The following ARHGAP31 variants were observed in gnomAD, a reference collection of about 807,000 sequenced individuals.
The protein encoded by ARHGAP31 is Rho GTPase activating protein 31.
In ARHGAP31, 34 loss-of-function variants were observed where a neutral mutation model predicts 113.9. That is an observed-to-expected ratio of 0.30 (90% CI 0.23 to 0.40). ARHGAP31 has a LOEUF of 0.40. Ranked by LOEUF, ARHGAP31 falls within the 10% of genes least tolerant of loss-of-function variation. ARHGAP31 has a pLI of 1.00. For synonymous variants in ARHGAP31, 650 were observed against 684.8 expected, an observed-to-expected ratio of 0.95 and a Z score of 0.79; for missense variants, 1,548 against 1,767.1, an observed-to-expected ratio of 0.88 and a Z score of 2.22.
At chr3:119,361,054 T>C (rs2080202185) in intron 1 of ARHGAP31, among the ~76,000 whole-genome samples, 1 of 152,174 alleles carries the variant, frequency 6.6e-6, no homozygotes, top group Non-Finnish European at 1.5e-5. Flanking sequence ...TTCTACCCTG[T>C]CCAGAATCCT....
At position 119,336,327 on chromosome 3, in the gene ARHGAP31, C is replaced by A. The variant is rs1267286994; in HGVS notation, c.101-28989C>A. On this transcript the variant is annotated intron_variant, in intron 1 of 11. Coordinates refer to ENST00000264245, the MANE Select transcript of ARHGAP31 (RefSeq NM_020754.4). Reference sequence around the variant, plus strand: ...AAATTCTTAAAATTTCTTGTAAGTCCCAAATTAGACTTTTCTCTACATATA... The same window carrying A: ...AAATTCTTAAAATTTCTTGTAAGTCACAAATTAGACTTTTCTCTACATATA... 3.9e-5 allele frequency among the ~76,000 whole-genome samples: 6 copies of A among 152,116 alleles called. No homozygotes were observed. In the South Asian group the frequency reaches 1.3e-3, roughly 32 times the overall value.
At chr3:119,385,742 CT>C (rs1453139532) in intron 6 of ARHGAP31, among the ~76,000 whole-genome samples, 1 of 152,222 alleles carries the variant, frequency 6.6e-6, no homozygotes, top group Non-Finnish European at 1.5e-5. Flanking sequence ...ACCAGAATAG[CT>C]TAGTAACTTC....
intron 6 of ARHGAP31, among the ~76,000 whole-genome samples, chr3:119,383,742 G>T (rs1237498210): frequency 6.6e-6 from 1 of 152,124 alleles, no homozygotes; most frequent in Admixed American, 6.6e-5. Flanking sequence ...TTTGTTCTGC[G>T]CTATGCCAGG....
At position 119,417,233 on chromosome 3, in the gene ARHGAP31, G is replaced by A. The variant is rs1055237492; in HGVS notation, c.*969G>A. ...AAATTTAATGTGTTTAAATTGGTGG[G>A]GCACCAGCAGAAAATATTCTAGCTC... On this transcript the variant is annotated 3_prime_UTR_variant, in exon 12 of 12. Transcript: ENST00000264245. 2 of 84,560 alleles carry A rather than the reference G, an allele frequency of 2.4e-5. No individual in the cohort carries two copies. The highest frequency in any genetic ancestry group is 1.0e-4 in the African/African-American group (2 of 19,852). 5.2% of individuals were successfully genotyped at this position (84,560 alleles called of 1,614,324 possible). A position where few individuals can be genotyped will look rare whatever the true frequency, so the allele number is the denominator to read the frequency against.
chr3:119,336,689 A>G (rs1298932646), intron 1 of ARHGAP31, among the ~76,000 whole-genome samples: 1 of 151,686 alleles, frequency 6.6e-6, no homozygotes, highest in Non-Finnish European at 1.5e-5. Context: ...ACCTATTTAA[A>G]GTATACAAGT....
In ARHGAP31 at chr3:119,303,796, T is replaced by G. The variant is rs558916128; in HGVS notation, c.100+8792T>G. On this transcript the variant is annotated intron_variant, in intron 1 of 11. Transcript: ENST00000264245. ...GCTCTTTTCATGTTTTTTGTTGTTG[T>G]TGTTGTTGTTGTTGTTGAGATGGGG... 9.5e-5 allele frequency among the ~76,000 whole-genome samples: 14 copies of G among 147,508 alleles called. No homozygotes were observed. The East Asian group carries it at 2.9e-3, about 31-fold the overall frequency.
intron 1 of ARHGAP31, among the ~76,000 whole-genome samples, chr3:119,343,433 C>T (rs2080027376): frequency 2.0e-5 from 3 of 152,176 alleles, no homozygotes; most frequent in Admixed American, 6.5e-5. Flanking sequence ...ACATGCTTAG[C>T]CCAGTGCCTG....
rs182983680 is a variant in ARHGAP31 at position 119,402,989 on chromosome 3, G to A, written c.1645+592G>A. On this transcript the variant is annotated intron_variant, in intron 10 of 11. Coordinates refer to ENST00000264245, the MANE Select transcript of ARHGAP31 (RefSeq NM_020754.4). ...CTGCCTGAGTCCCATGCCCAGCCTT[G>A]GACCAATCACTGTTTCCAGCTAATT... Among the ~76,000 whole-genome samples the A allele has an allele frequency of 1.1e-3, 168 of 152,272 alleles. 1 individual carries two copies. Among genetic ancestry groups the A allele is most frequent in the Non-Finnish European group, 1.9e-3 (126 of 68,024 alleles).
rs975627277 is a variant in ARHGAP31 at position 119,418,653 on chromosome 3, T to A, written c.*2389T>A. ...TTACATATTAACAAGTGACTTCAGTTCTAAGGGTTGAGATGCCTGTGTGGA... is the reference window on the plus strand; with the variant it reads ...TTACATATTAACAAGTGACTTCAGTACTAAGGGTTGAGATGCCTGTGTGGA... On this transcript the variant is annotated 3_prime_UTR_variant, in exon 12 of 12. Coordinates refer to ENST00000264245, the MANE Select transcript of ARHGAP31 (RefSeq NM_020754.4). 2 of 152,222 alleles carry A rather than the reference T, an allele frequency of 1.3e-5. No homozygotes were observed. Among genetic ancestry groups the A allele is most frequent in the African/African-American group, 4.8e-5 (2 of 41,456 alleles). The allele number at this position is 152,222 out of a possible 1,614,324, so 9.4% of individuals were successfully genotyped here.
chr3:119,374,485 G>A (rs899781700), intron 3 of ARHGAP31, among the ~76,000 whole-genome samples: 1 of 152,068 alleles, frequency 6.6e-6, no homozygotes, highest in Non-Finnish European at 1.5e-5. Context: ...TAGGTATTCA[G>A]TATGGTTTGG....
intron 3 of ARHGAP31, among the ~76,000 whole-genome samples, chr3:119,373,557 G>A (rs747893840): frequency 7.9e-5 from 12 of 151,790 alleles, no homozygotes; most frequent in South Asian, 2.1e-4. Context: ...TCCCCCACCC[G>A]GGTTCAAGCA....
chr3:119,331,179 A>C (rs1195834029), intron 1 of ARHGAP31, among the ~76,000 whole-genome samples: 1 of 152,192 alleles, frequency 6.6e-6, no homozygotes, highest in Non-Finnish European at 1.5e-5. Context: ...AAGGTCCACA[A>C]ATCTGCCCCA....
intron 1 of ARHGAP31, among the ~76,000 whole-genome samples, chr3:119,358,367 G>A (rs576489944): frequency 1.3e-5 from 2 of 152,214 alleles, no homozygotes; most frequent in Non-Finnish European, 2.9e-5. Flanking sequence ...CAAGGATATG[G>A]AAAATTGGAA....
rs544819900 is a variant in ARHGAP31, at chr3:119,336,834, C to T, written c.101-28482C>T. On this transcript the variant is annotated intron_variant, in intron 1 of 11. Transcript: ENST00000264245. The stretch of plus-strand genomic sequence containing the variant: ...TGCCCCACCTTCCCACCTACTCTCC[C>T]GGCCCTAAGAAACCATGAATCTAGT... 5.9e-5 allele frequency among the ~76,000 whole-genome samples: 9 copies of T among 152,300 alleles called. No individual in the cohort carries two copies. In the East Asian group the frequency reaches 1.2e-3, roughly 20 times the overall value.
At chr3:119,394,484 G>A (rs2080530846) in intron 8 of ARHGAP31, among the ~76,000 whole-genome samples, 1 of 152,090 alleles carries the variant, frequency 6.6e-6, no homozygotes, top group Admixed American at 6.6e-5. Flanking sequence ...CAATGCAGCT[G>A]AATATTATGT....
chr3:119,399,412 AAGGG>A, intron 9 of ARHGAP31, 151 bp downstream of exon 9: 1 of 732,120 alleles, frequency 1.4e-6, no homozygotes, highest in Non-Finnish European at 2.4e-6. Context: ...ACCCTAACTC[AAGGG>A]GTTCACATAG....
rs1229532859 is a variant in ARHGAP31 at position 119,388,319 on chromosome 3, T to TATAC, written c.683-2463_683-2462insCATA. 4.0e-5 allele frequency among the ~76,000 whole-genome samples: 6 copies of TATAC among 149,052 alleles called. 1 individual carries two copies. Among genetic ancestry groups the TATAC allele is most frequent in the Non-Finnish European group, 4.5e-5 (3 of 67,362 alleles). ...TATATGTATAATTTTTATATATATATATATATGTACACATTTTAAAATGTT... is the reference window on the plus strand; with the variant it reads ...TATATGTATAATTTTTATATATATATATACATATATGTACACATTTTAAAATGTT... On this transcript the variant is annotated intron_variant, in intron 6 of 11. Transcript: ENST00000264245.
intron 1 of ARHGAP31, among the ~76,000 whole-genome samples, chr3:119,300,697 G>A (rs1021143198): frequency 3.3e-5 from 5 of 151,918 alleles, no homozygotes; most frequent in African/African-American, 7.3e-5. Context: ...GCTGAGTGGC[G>A]GGGTCTGTTA....
In ARHGAP31 at chr3:119,294,715, G is replaced by T; in HGVS notation, c.-190G>T. On this transcript the variant is annotated 5_prime_UTR_variant, in exon 1 of 12. Transcript: ENST00000264245. ...GGCGGCCCCGGAGCGGCGCGGGGTGGATCTCAGGCTCTGCCGGCCCGCGGC... is the reference window on the plus strand; with the variant it reads ...GGCGGCCCCGGAGCGGCGCGGGGTGTATCTCAGGCTCTGCCGGCCCGCGGC... 1 of 632,422 alleles carries T rather than the reference G, an allele frequency of 1.6e-6. No homozygotes were observed. Among genetic ancestry groups the T allele is most frequent in the East Asian group, 2.7e-5 (1 of 36,586 alleles). The allele number at this position is 632,422 out of a possible 1,614,324, so 39.2% of individuals were successfully genotyped here. A position where few individuals can be genotyped will look rare whatever the true frequency, so the allele number is the denominator to read the frequency against.
Sources: gnomAD v4.1 joint callset for allele counts (sites outside exome capture counted in the v4.1 genomes callset) on GRCh38, gnomAD v4.1.1 for gene constraint, MANE v1.5 for transcripts, NCBI Gene and HGNC (gene_info 2026-07-23, HGNC 2026-07-21) for gene names.